The following SMPDL3B variants were observed in gnomAD, a reference collection of about 807,000 sequenced individuals.
The protein encoded by SMPDL3B is sphingomyelin phosphodiesterase acid like 3B.
A neutral mutation model predicts 37.9 loss-of-function variants in SMPDL3B; 31 were observed. The ratio of observed to expected loss-of-function variants is 0.82; its 90% CI spans 0.61 to 1.10. SMPDL3B has a LOEUF of 1.10. SMPDL3B is among the 50% of genes least tolerant of loss of function. SMPDL3B has a pLI of 0.00. For synonymous variants in SMPDL3B, 235 were observed against 242.6 expected (o/e 0.97, Z 0.29); for missense variants, 525 against 597.8 (o/e 0.88, Z 1.27).
At chr1:27,939,321 C>T (rs2090335821) in intron 1 of SMPDL3B, among the ~76,000 whole-genome samples, 1 of 152,122 alleles carries the variant, frequency 6.6e-6, no homozygotes, top group Non-Finnish European at 1.5e-5. Flanking sequence ...CTAAAAAGAT[C>T]CCATATCATG....
chr1:27,957,801 A>C (rs1372827625), intron 7 of SMPDL3B, among the ~76,000 whole-genome samples: 1 of 152,124 alleles, frequency 6.6e-6, no homozygotes, highest in East Asian at 1.9e-4. Context: ...ACCACTCATA[A>C]GCTTTTTGAT....
rs1399834041 is a variant in SMPDL3B at position 27,958,293 on chromosome 1, C to T, written c.1006-183C>T. ...TCATTTGTGAAACCTAGGTAATAAG[C>T]GCAGTTACCTCATTCGATTCAGAGG... is the stretch of plus-strand genomic sequence containing the variant. On this transcript the variant is annotated intron_variant, in intron 7 of 7. Transcript: ENST00000373894. This position sits in a 1 kb window ranked among gnomAD's most constrained non-coding sequence, Gnocchi z 5.6. 1.3e-5 allele frequency among the ~76,000 whole-genome samples: 2 copies of T among 152,100 alleles called. No individual in the cohort carries two copies. Among genetic ancestry groups the T allele is most frequent in the Non-Finnish European group, 2.9e-5 (2 of 68,014 alleles).
Position 27,953,264 on chromosome 1 carries a change from C to T in SMPDL3B, c.423C>T (p.Asn141=), listed in dbSNP as rs765405673. The part of the protein sequence containing the change: ...ALGNHDFHPK[N]QFPAGSNNIY... ...GAAATCATGATTTTCACCCCAAAAA[C>T]CAGTTCCCAGCTGGAAGTAACAACA... The change falls in exon 4 of 8, where the codon AAC becomes AAT. Residue 141 remains asparagine, a synonymous_variant. Coordinates refer to ENST00000373894, the MANE Select transcript of SMPDL3B (RefSeq NM_014474.4). 2 of 1,613,504 alleles carry T rather than the reference C, an allele frequency of 1.2e-6. No individual in the cohort carries two copies. Among genetic ancestry groups the T allele is most frequent in the Non-Finnish European group, 1.7e-6 (2 of 1,179,612 alleles).
In SMPDL3B at chr1:27,958,465, C is replaced by T; in HGVS notation, c.1006-11C>T. 6.3e-7 allele frequency: 1 copy of T among 1,592,268 alleles called. No individual in the cohort carries two copies. The highest frequency in any genetic ancestry group is 8.6e-7 in the Non-Finnish European group (1 of 1,163,986). ...TGCTCACAGCCGGTCTACCCCAAAC[C>T]CTTTTTCCAGGACATGGTGACCTAC... On this transcript the variant is annotated splice_polypyrimidine_tract_variant and intron_variant, in intron 7 of 7. Coordinates refer to ENST00000373894, the MANE Select transcript of SMPDL3B (RefSeq NM_014474.4). The surrounding 1 kb of genome is among the most constrained non-coding windows in gnomAD (Gnocchi z 5.6).
chr1:27,958,459 C>T lies in SMPDL3B; in HGVS notation c.1006-17C>T. 6.3e-7 allele frequency: 1 copy of T among 1,588,528 alleles called. No individual in the cohort carries two copies. The highest frequency in any genetic ancestry group is 8.6e-7 in the Non-Finnish European group (1 of 1,162,106). ...GACAACTGCTCACAGCCGGTCTACC[C>T]CAAACCCTTTTTCCAGGACATGGTG... is the stretch of plus-strand genomic sequence containing the variant. On this transcript the variant is annotated splice_polypyrimidine_tract_variant and intron_variant, in intron 7 of 7. Coordinates refer to ENST00000373894, the MANE Select transcript of SMPDL3B (RefSeq NM_014474.4). The surrounding 1 kb of genome is among the most constrained non-coding windows in gnomAD (Gnocchi z 5.6).
At chr1:27,956,381 T>C in intron 7 of SMPDL3B, 3 of 1,294,612 alleles carry the variant, frequency 2.3e-6, no homozygotes, top group Non-Finnish European at 3.1e-6. Flanking sequence ...AAGAAACTAA[T>C]CTCCTATAGC....
At chr1:27,948,911 C>A in intron 2 of SMPDL3B, 154 bp from the exon 3 acceptor site, 3 of 1,417,696 alleles carry the variant, frequency 2.1e-6, no homozygotes, top group African/African-American at 1.4e-5. Context: ...CAGCTCTGTC[C>A]CATCTGACTC....
Position 27,955,820 on chromosome 1 carries a change from G to A in SMPDL3B, c.827G>A (p.Gly276Glu), listed in dbSNP as rs1366824047. 3 of 1,613,912 alleles carry A rather than the reference G, an allele frequency of 1.9e-6. No homozygotes were observed. The highest frequency in any genetic ancestry group is 2.7e-5 in the African/African-American group (2 of 74,882). ...CGCGTCATAGCAGGGCAGTTCTTCG[G>A]GCACCACCACACCGACAGCTTTCGG... is the stretch of plus-strand genomic sequence containing the variant. ...HHRVIAGQFF[G>E]HHHTDSFRML... Residue 276 changes from glycine (G) to glutamate (E), a missense_variant, in exon 6 of 8, where the codon GGG (glycine) becomes GAG (glutamate). Coordinates refer to ENST00000373894, the MANE Select transcript of SMPDL3B (RefSeq NM_014474.4).
intron 3 of SMPDL3B, 45 bp from the exon 4 acceptor site, chr1:27,953,170 A>T (rs748167684): frequency 1.3e-6 from 2 of 1,523,118 alleles, no homozygotes. Context: ...AACTCCCCCG[A>T]GTGCTTTTGC....
intron 7 of SMPDL3B, chr1:27,956,328 C>T: frequency 6.9e-7 from 1 of 1,441,046 alleles, no homozygotes; most frequent in Non-Finnish European, 9.2e-7. Context: ...GTCTCCCTGC[C>T]TCTGGCCCTG....
At chr1:27,952,604 C>A (rs2090463473) in intron 3 of SMPDL3B, among the ~76,000 whole-genome samples, 1 of 152,212 alleles carries the variant, frequency 6.6e-6, no homozygotes, top group African/African-American at 2.4e-5. Flanking sequence ...CTCAGGGAGG[C>A]CTCCCCAAAC....
intron 3 of SMPDL3B, among the ~76,000 whole-genome samples, chr1:27,951,487 A>T (rs2090455153): frequency 6.6e-6 from 1 of 152,208 alleles, no homozygotes; most frequent in Admixed American, 6.5e-5. Flanking sequence ...TCAGCTGTGA[A>T]CACTGGTCCT....
intron 7 of SMPDL3B, among the ~76,000 whole-genome samples, chr1:27,956,981 C>G (rs1195361718): frequency 6.6e-6 from 1 of 151,442 alleles, no homozygotes; most frequent in African/African-American, 2.4e-5. Flanking sequence ...TGGGAATGTG[C>G]GTGGTAGGTT....
chr1:27,953,929 G>A (rs566354438), intron 4 of SMPDL3B, among the ~76,000 whole-genome samples: 1 of 152,106 alleles, frequency 6.6e-6, no homozygotes, highest in South Asian at 2.1e-4. Context: ...CCCTTTCCTC[G>A]GTCTCCTGCT....
rs3737809 is a variant in SMPDL3B at position 27,935,082 on chromosome 1, T to C, written c.-102T>C. 357,505 of 840,744 alleles carry C rather than the reference T, an allele frequency of 0.43. 79,022 individuals are homozygous for C. Among genetic ancestry groups the C allele is most frequent in the South Asian group, 0.56 (36,836 of 65,808 alleles). The allele number at this position is 840,744 out of a possible 1,614,324, so 52.1% of individuals were successfully genotyped here. On this transcript the variant is annotated 5_prime_UTR_variant, in exon 1 of 8. Coordinates refer to ENST00000373894, the MANE Select transcript of SMPDL3B (RefSeq NM_014474.4). ...GAACACCTGTAACAGGACAAGGAGT[T>C]CTGCTCAGGCACGTGGCCACAGAAA...
chr1:27,949,041 A>T, intron 2 of SMPDL3B, 24 bp from the exon 3 acceptor site: 1 of 1,614,036 alleles, frequency 6.2e-7, no homozygotes, highest in African/African-American at 1.3e-5. Flanking sequence ...GCCTGCCCCA[A>T]ATTGGCTTGG....
intron 2 of SMPDL3B, 150 bp from the exon 3 acceptor site, chr1:27,948,915 C>T: frequency 6.9e-7 from 1 of 1,452,848 alleles, no homozygotes; most frequent in Non-Finnish European, 9.4e-7. Flanking sequence ...TCTGTCCCAT[C>T]TGACTCCACT....
chr1:27,945,503 C>G lies in SMPDL3B; in HGVS notation c.275+58C>G. 7.4e-7 allele frequency: 1 copy of G among 1,350,392 alleles called. No homozygotes were observed. The highest frequency in any genetic ancestry group is 1.1e-6 in the Non-Finnish European group (1 of 947,608). The allele number at this position is 1,350,392 out of a possible 1,614,324, so 83.7% of individuals were successfully genotyped here. On this transcript the variant is annotated intron_variant, in intron 2 of 7. Coordinates refer to ENST00000373894, the MANE Select transcript of SMPDL3B (RefSeq NM_014474.4). This position sits in a 1 kb window ranked among gnomAD's most constrained non-coding sequence, Gnocchi z 4.0. Reference sequence around the variant, plus strand: ...CCAGGCATCTGCTATGTGCTACATACCAGTCTGGCCCTTTGCCCACATTAT... The same window carrying G: ...CCAGGCATCTGCTATGTGCTACATAGCAGTCTGGCCCTTTGCCCACATTAT...
Position 27,953,239 on chromosome 1 carries a change from G to A in SMPDL3B, c.398G>A (p.Gly133Glu). The A allele has an allele frequency of 6.2e-7, 1 of 1,613,580 alleles. No individual in the cohort carries two copies. The highest frequency in any genetic ancestry group is 8.5e-7 in the Non-Finnish European group (1 of 1,179,638). Residue 133 changes from glycine (G) to glutamate (E), a missense_variant, in exon 4 of 8, where the codon GGA becomes GAA. By Grantham distance (98) the Gly-to-Glu change is moderately conservative. Coordinates refer to ENST00000373894, the MANE Select transcript of SMPDL3B (RefSeq NM_014474.4). ...GATACTAAAGTCTATGCTGCTTTGGGAAATCATGATTTTCACCCCAAAAAC... is the reference window on the plus strand; with the variant it reads ...GATACTAAAGTCTATGCTGCTTTGGAAAATCATGATTTTCACCCCAAAAAC... The part of the protein sequence containing the change: ...FPDTKVYAAL[G>E]NHDFHPKNQF...
Sources: allele counts gnomAD v4.1 joint callset (sites outside exome capture counted in the v4.1 genomes callset), GRCh38; gene constraint gnomAD v4.1.1; non-coding constraint Gnocchi (gnomAD v3.1); transcripts MANE v1.5; gene names NCBI Gene and HGNC (gene_info 2026-07-23, HGNC 2026-07-21).